FRMD4B: variants seen among roughly 807,000 people sequenced by gnomAD.
The protein encoded by FRMD4B is FERM domain containing 4B, also known as FERM domain-containing protein 4B.
FRMD4B carries 74 observed loss-of-function variants against 141.5 expected under a neutral mutation model. The observed-to-expected ratio is 0.52, with a 90% CI of 0.43 to 0.63. The LOEUF (loss-of-function observed/expected upper bound fraction) is 0.63. FRMD4B is among the 30% of genes least tolerant of loss of function. The pLI is 0.00. For missense variants in FRMD4B, 1,366 were observed against 1,253.4 expected (o/e 1.09, Z -1.36); for synonymous variants, 506 against 467.9 (o/e 1.08, Z -1.05).
rs139999667 is a variant in FRMD4B at position 69,464,279 on chromosome 3, G to A, written c.-128-31518C>T. On this transcript the variant is annotated intron_variant, in intron 1 of 5. Transcript: ENST00000459638. ...GAAATGGGAAGGGTATGTTGGCCAGGAGGTTTTCTGGTAACAGGACAGAGG... is the reference window on the plus strand; with the variant it reads ...GAAATGGGAAGGGTATGTTGGCCAGAAGGTTTTCTGGTAACAGGACAGAGG... Among the ~76,000 whole-genome samples the A allele has an allele frequency of 6.8e-3, 1,033 of 152,250 alleles. 8 individuals are homozygous for A. Among genetic ancestry groups the A allele is most frequent in the African/African-American group, 0.023 (973 of 41,534 alleles).
chr3:69,436,760 C>G (rs1705267132), intron 1 of FRMD4B, among the ~76,000 whole-genome samples: 1 of 152,134 alleles, frequency 6.6e-6, no homozygotes, highest in Admixed American at 6.5e-5. Flanking sequence ...TAATTCTTTT[C>G]ACCTTAAAAT....
At chr3:69,221,965 T>C (rs2093199299) in intron 8 of FRMD4B, 42 bp from the exon 9 acceptor site, 1 of 1,021,858 alleles carries the variant, frequency 9.8e-7, no homozygotes, top group Admixed American at 1.9e-5. Context: ...TGCATGATTA[T>C]CTGAGGTACA....
intron 1 of FRMD4B, among the ~76,000 whole-genome samples, chr3:69,485,596 C>T (rs1341189909): frequency 6.6e-6 from 1 of 152,208 alleles, no homozygotes; most frequent in African/African-American, 2.4e-5. Flanking sequence ...GGGTAGGGCT[C>T]CCGCTTGTCC....
At chr3:69,522,967 G>T (rs1459400407) in intron 1 of FRMD4B, among the ~76,000 whole-genome samples, 2 of 152,050 alleles carry the variant, frequency 1.3e-5, no homozygotes, top group Non-Finnish European at 2.9e-5. Context: ...TACTCCATAG[G>T]TTATTTTTCT....
intron 1 of FRMD4B, among the ~76,000 whole-genome samples, chr3:69,495,831 C>T (rs747529453): frequency 1.3e-5 from 2 of 152,056 alleles, no homozygotes; most frequent in Non-Finnish European, 2.9e-5. Context: ...TGTTTGACTA[C>T]GTTGAAATAT....
intron 2 of FRMD4B, among the ~76,000 whole-genome samples, chr3:69,396,561 A>G (rs1439984387): frequency 6.6e-6 from 1 of 152,166 alleles, no homozygotes; most frequent in Non-Finnish European, 1.5e-5. Flanking sequence ...AAGAAACATC[A>G]CAAGAATTTT....
At chr3:69,332,261 G>A (rs1041631780) in intron 1 of FRMD4B, among the ~76,000 whole-genome samples, 1 of 152,168 alleles carries the variant, frequency 6.6e-6, no homozygotes, top group Non-Finnish European at 1.5e-5. Context: ...AACCTAGTCT[G>A]AATGTTCCAT....
chr3:69,296,258 A>T (rs1227186057), intron 4 of FRMD4B, among the ~76,000 whole-genome samples: 1 of 152,200 alleles, frequency 6.6e-6, no homozygotes, highest in Non-Finnish European at 1.5e-5. Flanking sequence ...AAACACAGGC[A>T]CACCCACCAA....
At chr3:69,332,686 C>G (rs1281090625) in intron 1 of FRMD4B, among the ~76,000 whole-genome samples, 1 of 151,404 alleles carries the variant, frequency 6.6e-6, no homozygotes, top group Non-Finnish European at 1.5e-5. Flanking sequence ...AAATGATCTT[C>G]CTACTTCAGC....
At chr3:69,397,981 TTA>T (rs1187136606) in intron 2 of FRMD4B, among the ~76,000 whole-genome samples, 1 of 152,180 alleles carries the variant, frequency 6.6e-6, no homozygotes, top group Admixed American at 6.5e-5. Context: ...TGTGTAATAC[TTA>T]TATCTTCAGA....
upstream of FRMD4B, among the ~76,000 whole-genome samples, chr3:69,387,998 T>C (rs1704301721): frequency 6.6e-6 from 1 of 152,148 alleles, no homozygotes; most frequent in Admixed American, 6.6e-5. Context: ...AAAATGAACT[T>C]AGCTTGAAAA....
chr3:69,458,004 C>G (rs1011488552), intron 1 of FRMD4B, among the ~76,000 whole-genome samples: 2 of 152,192 alleles, frequency 1.3e-5, no homozygotes, highest in South Asian at 2.1e-4. Context: ...TCTTTCTTGG[C>G]TTTTCTCCCT....
intron 11 of FRMD4B, among the ~76,000 whole-genome samples, chr3:69,202,971 T>C (rs1313935045): frequency 1.3e-5 from 2 of 151,176 alleles, no homozygotes; most frequent in African/African-American, 4.9e-5. Flanking sequence ...AAAAACAAAG[T>C]GACAAAAATT....
At chr3:69,490,334 CTCTTTTCT>C (rs1268429481) in intron 1 of FRMD4B, among the ~76,000 whole-genome samples, 1 of 152,196 alleles carries the variant, frequency 6.6e-6, no homozygotes, top group Non-Finnish European at 1.5e-5. Context: ...TCTTGTTAGT[CTCTTTTCT>C]TTAAGATCTT....
At chr3:69,531,168 A>G (rs1041809906) in intron 1 of FRMD4B, among the ~76,000 whole-genome samples, 8 of 152,210 alleles carry the variant, frequency 5.3e-5, no homozygotes, top group African/African-American at 1.7e-4. Context: ...TATAATGTAT[A>G]TGAATTCTTA....
intron 2 of FRMD4B, among the ~76,000 whole-genome samples, chr3:69,417,644 C>T (rs942708816): frequency 2.0e-5 from 3 of 152,162 alleles, no homozygotes; most frequent in African/African-American, 7.2e-5. Context: ...GAATGTATTG[C>T]CTAGGGCAAA....
intron 2 of FRMD4B, among the ~76,000 whole-genome samples, chr3:69,414,405 A>G (rs908283554): frequency 1.3e-5 from 2 of 152,210 alleles, no homozygotes; most frequent in African/African-American, 4.8e-5. Flanking sequence ...ACAAATCTAT[A>G]CTATGTGGCT....
At chr3:69,205,249 A>C (rs1190320585) in intron 11 of FRMD4B, among the ~76,000 whole-genome samples, 1 of 151,386 alleles carries the variant, frequency 6.6e-6, no homozygotes, top group Non-Finnish European at 1.5e-5. Flanking sequence ...TCACTGCAGC[A>C]GCCTCGACTT....
chr3:69,484,771 C>G (rs1331062038), intron 1 of FRMD4B, among the ~76,000 whole-genome samples: 2 of 152,114 alleles, frequency 1.3e-5, no homozygotes. Flanking sequence ...CTCTCATCAT[C>G]TCTCCATCCT....
Sources: gnomAD v4.1 joint callset for allele counts (sites outside exome capture counted in the v4.1 genomes callset) on GRCh38, gnomAD v4.1.1 for gene constraint, MANE v1.5 for transcripts, NCBI Gene and HGNC (gene_info 2026-07-23, HGNC 2026-07-21) for gene names.